Variants in PPIP5K2 observed in about 807,000 individuals in gnomAD.
PPIP5K2 encodes inositol hexakisphosphate and diphosphoinositol-pentakisphosphate kinase 2.
A neutral mutation model predicts 154.6 loss-of-function variants in PPIP5K2; 105 were observed. The observed-to-expected ratio is 0.68, with a 90% CI of 0.58 to 0.80. The LOEUF is 0.80. Among genes scored for constraint, PPIP5K2 ranks in the 30% least tolerant of loss-of-function variants. The probability of loss-of-function intolerance (pLI) is 0.00; values close to 1 mark genes in which losing one functional copy is unlikely to be tolerated. For synonymous variants in PPIP5K2, 480 were observed against 490.3 expected (o/e 0.98, Z 0.28); for missense variants, 992 against 1,504.6 (o/e 0.66, Z 5.64).
rs1554201960 is a variant in PPIP5K2 at position 103,129,616 on chromosome 5, T to C, written c.27T>C (p.Val9=). Residue 9 remains valine (V), a synonymous_variant, in exon 2 of 31, where the codon GTT becomes GTC. Transcript: ENST00000358359. MSEAPRFF[V]GPEDTEINPG... Reference sequence around the variant, plus strand: ...TGAGTGAAGCCCCCAGATTCTTCGTTGGACCAGAAGATACAGAAATAAATC... The same window carrying C: ...TGAGTGAAGCCCCCAGATTCTTCGTCGGACCAGAAGATACAGAAATAAATC... The C allele has an allele frequency of 6.2e-7, 1 of 1,604,302 alleles. No individual in the cohort carries two copies. Among genetic ancestry groups the C allele is most frequent in the Non-Finnish European group, 8.5e-7 (1 of 1,177,450 alleles).
chr5:103,174,986 T>C (rs1286231601), intron 21 of PPIP5K2, among the ~76,000 whole-genome samples: 1 of 152,106 alleles, frequency 6.6e-6, no homozygotes, highest in Admixed American at 6.6e-5. Flanking sequence ...AATAGAGTAA[T>C]ACTACTTGAA....
rs925369490 is a variant in PPIP5K2 at position 103,171,412 on chromosome 5, T to A, written c.2287-1743T>A. On this transcript the variant is annotated intron_variant, in intron 19 of 30. Transcript: ENST00000358359. ...GCAGACAGTTCTTTATAGTAGCATT[T>A]CCCAAAGACAGTTCAATGACATTCT... is the stretch of plus-strand genomic sequence containing the variant. 2.0e-5 allele frequency among the ~76,000 whole-genome samples: 3 copies of A among 151,590 alleles called. No individual in the cohort carries two copies. The South Asian group carries it at 6.2e-4, about 31-fold the overall frequency.
rs199992277 is a variant in PPIP5K2, at chr5:103,144,102, AC to A, written c.488-2424del. ...AAGTTGCAGGATACAATATTAACTT[AC>A]AAAAATCCATAGCATTTCTATATGC... On this transcript the variant is annotated intron_variant, in intron 5 of 30. Transcript: ENST00000358359. 2.4e-4 allele frequency among the ~76,000 whole-genome samples: 36 copies of A among 152,288 alleles called. No individual in the cohort carries two copies. In the East Asian group the frequency reaches 5.4e-3, roughly 23 times the overall value.
chr5:103,173,883 G>T lies in PPIP5K2; in HGVS notation c.2440G>T (p.Glu814Ter). 1.2e-6 allele frequency: 2 copies of T among 1,605,462 alleles called. No individual in the cohort carries two copies. The highest frequency in any genetic ancestry group is 1.1e-5 in the South Asian group (1 of 90,736). The part of the protein sequence containing the change: ...PVYSRGVLSP[E>*]RHVRTRLYFT... ...GTATTCTAGAGGTGTTCTGTCTCCTGAACGTCATGTTCGTACTAGATTATA... is the reference window on the plus strand; with the variant it reads ...GTATTCTAGAGGTGTTCTGTCTCCTTAACGTCATGTTCGTACTAGATTATA... The change falls in exon 21 of 31, where the codon GAA becomes TAA. Residue 814 changes from glutamate (E) to a stop codon, truncating the protein, a stop_gained. Coordinates refer to ENST00000358359, the MANE Select transcript of PPIP5K2 (RefSeq NM_001276277.3). LOFTEE classifies it high-confidence loss of function.
rs150052612 is a variant in PPIP5K2 at position 103,174,939 on chromosome 5, C to G, written c.2529+967C>G. ...CACATACAAAACTCAATTCACATCT[C>G]CCTCAGTGCCACCCCCTCCACTCAG... is the stretch of plus-strand genomic sequence containing the variant. On this transcript the variant is annotated intron_variant, in intron 21 of 30. Transcript: ENST00000358359. Among the ~76,000 whole-genome samples, 263 of 152,214 alleles carry G rather than the reference C, an allele frequency of 1.7e-3. 1 individual carries two copies. The highest frequency in any genetic ancestry group is 6.1e-3 in the African/African-American group (255 of 41,532).
In PPIP5K2 at chr5:103,201,613, A is replaced by T; in HGVS notation, c.3711A>T (p.Lys1237Asn). The T allele has an allele frequency of 6.2e-7, 1 of 1,601,346 alleles. No homozygotes were observed. Among genetic ancestry groups the T allele is most frequent in the Non-Finnish European group, 8.5e-7 (1 of 1,172,290 alleles). Residue 1237 changes from lysine (K) to asparagine (N), a missense_variant, in exon 31 of 31, where the codon AAA (lysine) becomes AAT (asparagine). Physicochemically the swap from Lys to Asn is moderately conservative, Grantham distance 94 (BLOSUM62 0). Transcript: ENST00000358359. ...AAACAGAAACGCATGAACACAAAAA[A>T]AACACTGGGAAAAAGAAATGAAATC... ...TSKTETHEHK[K>N]NTGKKK
intron 1 of PPIP5K2, among the ~76,000 whole-genome samples, chr5:103,124,414 C>T (rs1195065240): frequency 6.6e-6 from 1 of 151,956 alleles, no homozygotes. Context: ...ACTGTGGAGT[C>T]CTCATTTTTG....
intron 1 of PPIP5K2, among the ~76,000 whole-genome samples, chr5:103,124,137 G>A (rs1056347596): frequency 3.9e-5 from 6 of 152,028 alleles, no homozygotes; most frequent in Non-Finnish European, 7.4e-5. Context: ...AAAATTAGCT[G>A]AGTGTGGTGG....
intron 17 of PPIP5K2, among the ~76,000 whole-genome samples, chr5:103,161,448 G>A (rs868949543): frequency 3.9e-5 from 6 of 152,170 alleles, no homozygotes; most frequent in Non-Finnish European, 7.3e-5. Flanking sequence ...ACAGCAGCAT[G>A]ATTTATAATC....
intron 27 of PPIP5K2, among the ~76,000 whole-genome samples, chr5:103,187,056 A>G (rs1800497063): frequency 6.6e-6 from 1 of 152,148 alleles, no homozygotes; most frequent in Admixed American, 6.6e-5. Flanking sequence ...AATTTATTTT[A>G]GACAGTAAAA....
At chr5:103,199,234 T>A (rs1802591288) in intron 30 of PPIP5K2, among the ~76,000 whole-genome samples, 1 of 152,166 alleles carries the variant, frequency 6.6e-6, no homozygotes, top group Non-Finnish European at 1.5e-5. Context: ...TTTGCCATAT[T>A]TTTTGCTCTC....
At chr5:103,159,774 T>C (rs1409097280) in intron 17 of PPIP5K2, among the ~76,000 whole-genome samples, 1 of 152,186 alleles carries the variant, frequency 6.6e-6, no homozygotes, top group African/African-American at 2.4e-5. Context: ...CCTTATTTAT[T>C]TGTGATGAGA....
In PPIP5K2 at chr5:103,204,409, GT is replaced by G. The variant is rs1803378175; in HGVS notation, c.*2777del. The G allele has an allele frequency of 6.6e-6, 1 of 152,094 alleles. No individual in the cohort carries two copies. Among genetic ancestry groups the G allele is most frequent in the Non-Finnish European group, 1.5e-5 (1 of 68,048 alleles). The allele number at this position is 152,094 out of a possible 1,614,324, so 9.4% of individuals were successfully genotyped here. On this transcript the variant is annotated 3_prime_UTR_variant, in exon 31 of 31. Coordinates refer to ENST00000358359, the MANE Select transcript of PPIP5K2 (RefSeq NM_001276277.3). ...CCCCTCTCTAATTCTCTTTTCCTGTGTTGGGAGATATCAAAACAACAGAATT... is the reference window on the plus strand; with the variant it reads ...CCCCTCTCTAATTCTCTTTTCCTGTGTGGGAGATATCAAAACAACAGAATT...
In PPIP5K2 at chr5:103,210,684, A is replaced by T. The variant is rs1803758821; in HGVS notation, c.*9050A>T. On this transcript the variant is annotated 3_prime_UTR_variant, in exon 31 of 31. Coordinates refer to ENST00000358359, the MANE Select transcript of PPIP5K2 (RefSeq NM_001276277.3). ...TAACATACCCTAAAAGTTAGTACTG[A>T]TTCCCATTATCATGCTCTGTTGTTC... is the stretch of plus-strand genomic sequence containing the variant. 1 of 152,098 alleles carries T rather than the reference A, an allele frequency of 6.6e-6. No homozygotes were observed. The highest frequency in any genetic ancestry group is 1.5e-5 in the Non-Finnish European group (1 of 67,982). The allele number at this position is 152,098 out of a possible 1,614,324, so 9.4% of individuals were successfully genotyped here.
chr5:103,177,358 A>G (rs1798879992), intron 21 of PPIP5K2, among the ~76,000 whole-genome samples: 1 of 151,964 alleles, frequency 6.6e-6, no homozygotes, highest in Non-Finnish European at 1.5e-5. Flanking sequence ...AAAATTCTCC[A>G]ATGAGTATTT....
In PPIP5K2 at chr5:103,202,485, T is replaced by C. The variant is rs1803166379; in HGVS notation, c.*851T>C. On this transcript the variant is annotated 3_prime_UTR_variant, in exon 31 of 31. Coordinates refer to ENST00000358359, the MANE Select transcript of PPIP5K2 (RefSeq NM_001276277.3). ...TCAGTTCAAAAATGGAAATCAACAA[T>C]GTTAGGAGAAATCTGAATTCTGTTA... 1.3e-5 allele frequency: 2 copies of C among 152,144 alleles called. No homozygotes were observed. The highest frequency in any genetic ancestry group is 4.1e-4 in the South Asian group (2 of 4,828). 9.4% of individuals were successfully genotyped at this position (152,144 alleles called of 1,614,324 possible).
chr5:103,172,751 C>T lies in PPIP5K2; in HGVS notation c.2287-404C>T, dbSNP rs186832540. 1.7e-3 allele frequency among the ~76,000 whole-genome samples: 257 copies of T among 151,844 alleles called. 4 individuals carry two copies. Among genetic ancestry groups the T allele is most frequent in the Admixed American group, 0.017 (256 of 15,210 alleles). ...ATGTGTTAGTCTTTTAAATCTTTGACATTTGGAAAAACAGAAATCTCAAGG... is the reference window on the plus strand; with the variant it reads ...ATGTGTTAGTCTTTTAAATCTTTGATATTTGGAAAAACAGAAATCTCAAGG... On this transcript the variant is annotated intron_variant, in intron 19 of 30. Coordinates refer to ENST00000358359, the MANE Select transcript of PPIP5K2 (RefSeq NM_001276277.3).
chr5:103,195,634 T>G (rs1381694368), intron 30 of PPIP5K2, among the ~76,000 whole-genome samples: 1 of 152,196 alleles, frequency 6.6e-6, no homozygotes, highest in African/African-American at 2.4e-5. Flanking sequence ...ATTACTATAT[T>G]GTGATATTCT....
chr5:103,142,908 G>T (rs913283780), intron 5 of PPIP5K2, among the ~76,000 whole-genome samples: 5 of 151,962 alleles, frequency 3.3e-5, no homozygotes, highest in Admixed American at 2.6e-4. Flanking sequence ...TTCATAAGAA[G>T]ACTAAAAGGC....
Sources: gnomAD v4.1 joint callset for allele counts (sites outside exome capture counted in the v4.1 genomes callset) on GRCh38, gnomAD v4.1.1 for gene constraint, MANE v1.5 for transcripts, NCBI Gene and HGNC (gene_info 2026-07-23, HGNC 2026-07-21) for gene names.